The following TMPRSS11A variants were observed in gnomAD, a reference collection of about 807,000 sequenced individuals.
TMPRSS11A encodes the protein transmembrane serine protease 11A.
A neutral mutation model predicts 58.9 loss-of-function variants in TMPRSS11A; 53 were observed. That is an observed-to-expected ratio of 0.90 (90% CI 0.72 to 1.13). The LOEUF (loss-of-function observed/expected upper bound fraction) is 1.13. Among genes scored for constraint, TMPRSS11A ranks in the 50% most tolerant of loss-of-function variants. TMPRSS11A has a pLI of 0.00. For synonymous variants in TMPRSS11A, 167 were observed against 169.8 expected, an observed-to-expected ratio of 0.98 and a Z score of 0.13; for missense variants, 493 against 499.3, an observed-to-expected ratio of 0.99 and a Z score of 0.12.
chr4:67,921,315 A>G (rs1259175044), intron 7 of TMPRSS11A, among the ~76,000 whole-genome samples: 2 of 152,192 alleles, frequency 1.3e-5, no homozygotes, highest in Non-Finnish European at 2.9e-5. Flanking sequence ...TTAAGAATTT[A>G]TGTAGATTAT....
chr4:67,922,261 A>G (rs1325469696), intron 7 of TMPRSS11A, among the ~76,000 whole-genome samples: 2 of 152,204 alleles, frequency 1.3e-5, no homozygotes, highest in African/African-American at 2.4e-5. Flanking sequence ...ACAGATCTTC[A>G]TATGTCAATG....
At chr4:67,924,094 A>G in intron 6 of TMPRSS11A, 34 bp downstream of exon 6, 1 of 1,588,122 alleles carries the variant, frequency 6.3e-7, no homozygotes, top group African/African-American at 1.3e-5. Flanking sequence ...TGATGTGAAA[A>G]TTGAACTTGT....
chr4:67,946,105 A>G lies in TMPRSS11A; in HGVS notation c.133+345T>C, dbSNP rs147130281. On this transcript the variant is annotated intron_variant, in intron 2 of 9. Transcript: ENST00000508048. ...TCATAACTTTTCATTTTAATATATA[A>G]TAAGTGATGAGTTGTTTATTATAAT... Among the ~76,000 whole-genome samples, 458 of 152,238 alleles carry G rather than the reference A, an allele frequency of 3.0e-3. 1 individual carries two copies. The highest frequency in any genetic ancestry group is 0.011 in the African/African-American group (445 of 41,554).
chr4:67,928,194 G>A (rs573281197), intron 5 of TMPRSS11A, among the ~76,000 whole-genome samples: 18 of 152,198 alleles, frequency 1.2e-4, no homozygotes, highest in Non-Finnish European at 2.4e-4. Context: ...ACAGGTGCCC[G>A]TCACCAGGCC....
intron 1 of TMPRSS11A, among the ~76,000 whole-genome samples, chr4:67,953,487 C>T (rs542590570): frequency 6.6e-6 from 1 of 152,254 alleles, no homozygotes; most frequent in African/African-American, 2.4e-5. Context: ...CCCATCTCTA[C>T]TGGGATGGTG....
chr4:67,942,846 C>T (rs1168362650), intron 3 of TMPRSS11A, among the ~76,000 whole-genome samples: 52 of 151,902 alleles, frequency 3.4e-4, no homozygotes, highest in Admixed American at 3.4e-3. Flanking sequence ...CAGCTAACAG[C>T]AATAAACTAA....
In TMPRSS11A at chr4:67,911,278, A is replaced by C; in HGVS notation, c.*64T>G. On this transcript the variant is annotated 3_prime_UTR_variant, in exon 10 of 10. Transcript: ENST00000508048. ...CACTTTGTTGTACTACACCCACTAA[A>C]TAGTTGAATTCTCATGCATATATGA... 1 of 1,466,582 alleles carries C rather than the reference A, an allele frequency of 6.8e-7. No homozygotes were observed. The highest frequency in any genetic ancestry group is 9.4e-7 in the Non-Finnish European group (1 of 1,063,664). The allele number at this position is 1,466,582 out of a possible 1,614,324, so 90.8% of individuals were successfully genotyped here.
At chr4:67,927,008 C>G (rs1268530347) in intron 5 of TMPRSS11A, among the ~76,000 whole-genome samples, 1 of 152,166 alleles carries the variant, frequency 6.6e-6, no homozygotes, top group African/African-American at 2.4e-5. Context: ...AGGAGCTGGA[C>G]ACTTGTTGGG....
chr4:67,933,392 T>G (rs1720676329), intron 3 of TMPRSS11A, among the ~76,000 whole-genome samples: 1 of 152,164 alleles, frequency 6.6e-6, no homozygotes, highest in Non-Finnish European at 1.5e-5. Context: ...CTCTTCCCAC[T>G]CAATCACACA....
At chr4:67,918,149 G>A in intron 8 of TMPRSS11A, among the ~76,000 whole-genome samples, 1 of 152,150 alleles carries the variant, frequency 6.6e-6, no homozygotes, top group Non-Finnish European at 1.5e-5. Context: ...CCTGCAAATA[G>A]ATTTAGTCAT....
chr4:67,938,659 A>T (rs1211795444), intron 3 of TMPRSS11A, among the ~76,000 whole-genome samples: 1 of 152,132 alleles, frequency 6.6e-6, no homozygotes, highest in African/African-American at 2.4e-5. Flanking sequence ...CATTTATTGA[A>T]TAGAAAGTTC....
At chr4:67,945,101 A>G (rs976845826) in intron 2 of TMPRSS11A, among the ~76,000 whole-genome samples, 1 of 152,178 alleles carries the variant, frequency 6.6e-6, no homozygotes. Flanking sequence ...GTCCTTGTGA[A>G]TTTTGATTTT....
chr4:67,958,652 G>A (rs1210099764), intron 1 of TMPRSS11A, among the ~76,000 whole-genome samples: 1 of 152,170 alleles, frequency 6.6e-6, no homozygotes, highest in Non-Finnish European at 1.5e-5. Context: ...GTGGACTTTA[G>A]AGTTAGTGCT....
At chr4:67,918,803 T>A (rs1295843878) in intron 8 of TMPRSS11A, among the ~76,000 whole-genome samples, 170 bp downstream of exon 8, 1 of 152,236 alleles carries the variant, frequency 6.6e-6, no homozygotes, top group Non-Finnish European at 1.5e-5. Context: ...TTTCTTTGTT[T>A]TTTATTCTGC....
chr4:67,911,788 T>C (rs1577848044), intron 9 of TMPRSS11A, among the ~76,000 whole-genome samples: 1 of 152,304 alleles, frequency 6.6e-6, no homozygotes, highest in African/African-American at 2.4e-5. Flanking sequence ...ATGTCCCATG[T>C]TACCTCACGC....
intron 5 of TMPRSS11A, among the ~76,000 whole-genome samples, chr4:67,925,706 T>A (rs1720449186): frequency 6.6e-6 from 1 of 152,236 alleles, no homozygotes; most frequent in Non-Finnish European, 1.5e-5. Context: ...ATTTATTTCA[T>A]TTTTAAGAAA....
At chr4:67,919,774 G>A (rs1278843948) in intron 7 of TMPRSS11A, among the ~76,000 whole-genome samples, 1 of 152,202 alleles carries the variant, frequency 6.6e-6, no homozygotes, top group Non-Finnish European at 1.5e-5. Context: ...TCAGTGTGAG[G>A]AGATGAGGGA....
chr4:67,917,873 C>T (rs187803645), intron 8 of TMPRSS11A, among the ~76,000 whole-genome samples: 30 of 152,112 alleles, frequency 2.0e-4, no homozygotes, highest in African/African-American at 7.0e-4. Flanking sequence ...AGGTGTCAGG[C>T]TTACAGCAGC....
chr4:67,922,901 T>C lies in TMPRSS11A; in HGVS notation c.546A>G (p.Leu182=). 1 of 1,614,196 alleles carries C rather than the reference T, an allele frequency of 6.2e-7. No homozygotes were observed. The highest frequency in any genetic ancestry group is 2.2e-5 in the East Asian group (1 of 44,878). Residue 182 remains leucine (L), a synonymous_variant, in exon 7 of 10, where the codon TTA becomes TTG. Transcript: ENST00000508048. ...CTCCAGATGCTATTCTGTTGACGTT[T>C]AATGGAACAACTCGTTTACCACAAC... ...QASCGKRVVP[L]NVNRIASGVI...
Sources: allele counts gnomAD v4.1 joint callset (sites outside exome capture counted in the v4.1 genomes callset), GRCh38; gene constraint gnomAD v4.1.1; transcripts MANE v1.5; gene names NCBI Gene and HGNC (gene_info 2026-07-23, HGNC 2026-07-21).